PHACTR4: variants seen among roughly 807,000 people sequenced by gnomAD.
PHACTR4 encodes phosphatase and actin regulator 4, also known as protein phosphatase 1, regulatory subunit 124.
PHACTR4 carries 51 observed loss-of-function variants against 72.7 expected under a neutral mutation model. The ratio of observed to expected loss-of-function variants is 0.70; its 90% CI spans 0.56 to 0.89. The LOEUF (loss-of-function observed/expected upper bound fraction) is 0.89. Ranked by LOEUF, PHACTR4 falls within the 40% of genes least tolerant of loss-of-function variation. The pLI is 0.00. For missense variants in PHACTR4, 731 were observed against 861.8 expected (o/e 0.85, Z 1.90); for synonymous variants, 255 against 302.5 (o/e 0.84, Z 1.63).
chr1:28,398,530 TA>T (rs1653697042), intron 1 of PHACTR4, among the ~76,000 whole-genome samples: 1 of 142,826 alleles, frequency 7.0e-6, no homozygotes, highest in Non-Finnish European at 1.5e-5. Flanking sequence ...TCTCAAAAAA[TA>T]AAATAGGCCG....
At chr1:28,488,098 A>G (rs1485070303) in intron 9 of PHACTR4, among the ~76,000 whole-genome samples, 3 of 152,144 alleles carry the variant, frequency 2.0e-5, no homozygotes, top group Non-Finnish European at 4.4e-5. Flanking sequence ...AACTTTATCA[A>G]ATGCTTCACA....
intron 2 of PHACTR4, among the ~76,000 whole-genome samples, chr1:28,423,344 G>A (rs1029497574): frequency 1.3e-5 from 2 of 152,020 alleles, no homozygotes. Flanking sequence ...GGGAGGTCGA[G>A]GCTGCAGTGA....
intron 8 of PHACTR4, among the ~76,000 whole-genome samples, chr1:28,477,258 T>G (rs1234935957): frequency 1.3e-5 from 2 of 151,754 alleles, no homozygotes; most frequent in East Asian, 3.9e-4. Context: ...GCTAATTTTT[T>G]TTTATTTTTA....
intron 4 of PHACTR4, among the ~76,000 whole-genome samples, chr1:28,462,133 G>A (rs538866252): frequency 2.6e-5 from 4 of 151,838 alleles, no homozygotes; most frequent in African/African-American, 7.3e-5. Context: ...TCAGCCTCCC[G>A]AGGAGCTGTG....
rs575661656 is a variant in PHACTR4 at position 28,486,279 on chromosome 1, C to T, written c.1761-2891C>T. On this transcript the variant is annotated intron_variant, in intron 9 of 13. Transcript: ENST00000373839. ...GCTGAGGCAGGAGAATCACTTGAACCGGGGAGGCAGAGGTTACAGTGAGCC... is the reference window on the plus strand; with the variant it reads ...GCTGAGGCAGGAGAATCACTTGAACTGGGGAGGCAGAGGTTACAGTGAGCC... Among the ~76,000 whole-genome samples the T allele has an allele frequency of 7.2e-5, 11 of 151,830 alleles. No individual in the cohort carries two copies. The South Asian group carries it at 1.0e-3, about 14-fold the overall frequency.
chr1:28,426,093 C>T (rs917844503), intron 2 of PHACTR4, among the ~76,000 whole-genome samples: 1 of 151,928 alleles, frequency 6.6e-6, no homozygotes, highest in Admixed American at 6.6e-5. Flanking sequence ...TAGTGGCAGG[C>T]GCCTGTAATC....
chr1:28,453,096 G>A (rs1251081427), intron 2 of PHACTR4, among the ~76,000 whole-genome samples: 1 of 152,068 alleles, frequency 6.6e-6, no homozygotes, highest in Non-Finnish European at 1.5e-5. Context: ...TCCAGCCTGG[G>A]CAACAAGAAT....
At chr1:28,377,052 C>T (rs897543286) in intron 1 of PHACTR4, among the ~76,000 whole-genome samples, 1 of 152,076 alleles carries the variant, frequency 6.6e-6, no homozygotes, top group Non-Finnish European at 1.5e-5. Flanking sequence ...GCCTCAGCCT[C>T]CCAAGTAGCT....
intron 6 of PHACTR4, among the ~76,000 whole-genome samples, chr1:28,472,936 ATTTT>A (rs1659660740): frequency 6.7e-6 from 1 of 149,712 alleles, no homozygotes. Context: ...TTTTTATCAG[ATTTT>A]TTTTGTCTCT....
intron 1 of PHACTR4, among the ~76,000 whole-genome samples, chr1:28,396,175 A>C (rs1277798478): frequency 6.6e-6 from 1 of 152,082 alleles, no homozygotes; most frequent in African/African-American, 2.4e-5. Flanking sequence ...TATTTTAGGG[A>C]AATGTAGAGG....
At chr1:28,443,282 TC>T (rs1318973204) in intron 2 of PHACTR4, among the ~76,000 whole-genome samples, 4 of 62,590 alleles carry the variant, frequency 6.4e-5, no homozygotes, top group African/African-American at 2.5e-4. Flanking sequence ...TCTCTCTCTC[TC>T]TTCTTTCTTT....
Position 28,380,050 on chromosome 1 carries a change from A to ATTTTT in PHACTR4, c.-39+10225_-39+10226insTTTTT, listed in dbSNP as rs1405487346. 2.3e-4 allele frequency among the ~76,000 whole-genome samples: 29 copies of ATTTTT among 128,100 alleles called. 1 individual carries two copies. Among genetic ancestry groups the ATTTTT allele is most frequent in the East Asian group, 4.2e-4 (2 of 4,808 alleles). 84.0% of individuals were successfully genotyped at this position (128,100 alleles called of 152,430 possible). ...GTTATTCTGTGTTTTTTTAAATGTA[A>ATTTTT]CTTTTTTTTTTTTTTTTTTTTTTTG... On this transcript the variant is annotated intron_variant, in intron 1 of 13. Transcript: ENST00000373839.
At chr1:28,378,651 T>C (rs1306118692) in intron 1 of PHACTR4, among the ~76,000 whole-genome samples, 2 of 147,106 alleles carry the variant, frequency 1.4e-5, no homozygotes, top group Non-Finnish European at 3.0e-5. Context: ...TTGTTTTGTT[T>C]TGATTTTAAG....
At chr1:28,429,352 C>T (rs1016626819) in intron 2 of PHACTR4, among the ~76,000 whole-genome samples, 3 of 152,202 alleles carry the variant, frequency 2.0e-5, no homozygotes, top group African/African-American at 7.2e-5. Context: ...TCAAAAACCA[C>T]ATGAACATAC....
intron 9 of PHACTR4, among the ~76,000 whole-genome samples, chr1:28,488,776 T>C (rs1660862900): frequency 6.6e-6 from 1 of 152,226 alleles, no homozygotes; most frequent in African/African-American, 2.4e-5. Context: ...TTAACGTTTC[T>C]TGGGAATCTG....
At chr1:28,373,828 C>G (rs1569714687) in intron 1 of PHACTR4, among the ~76,000 whole-genome samples, 1 of 152,162 alleles carries the variant, frequency 6.6e-6, no homozygotes, top group Admixed American at 6.6e-5. Context: ...CTGATAAAGC[C>G]TAGCCTCTAA....
At chr1:28,477,132 C>T (rs1272805499) in intron 8 of PHACTR4, among the ~76,000 whole-genome samples, 1 of 147,466 alleles carries the variant, frequency 6.8e-6, no homozygotes, top group African/African-American at 2.5e-5. Context: ...GTCATCCAGA[C>T]TGGAGTGCAG....
intron 13 of PHACTR4, among the ~76,000 whole-genome samples, chr1:28,495,623 TTTTTA>T (rs1236104071): frequency 2.1e-5 from 3 of 145,580 alleles, no homozygotes; most frequent in Non-Finnish European, 4.6e-5. Flanking sequence ...ATTTTTTTTT[TTTTTA>T]TTTTTTGAGA....
At chr1:28,482,631 A>C (rs948374577) in intron 9 of PHACTR4, among the ~76,000 whole-genome samples, 9 of 152,108 alleles carry the variant, frequency 5.9e-5, no homozygotes, top group Non-Finnish European at 1.2e-4. Flanking sequence ...CTTTTTCTGT[A>C]CTATTGCAGA....
Sources: gnomAD v4.1 joint callset for allele counts (sites outside exome capture counted in the v4.1 genomes callset) on GRCh38, gnomAD v4.1.1 for gene constraint, MANE v1.5 for transcripts, NCBI Gene and HGNC (gene_info 2026-07-23, HGNC 2026-07-21) for gene names.